Variants in HECW2 observed in about 807,000 individuals in gnomAD.
The protein encoded by HECW2 is E3 ubiquitin-protein ligase HECW2.
HECW2 carries 61 observed loss-of-function variants against 175.2 expected under a neutral mutation model. The ratio of observed to expected loss-of-function variants is 0.35; its 90% CI spans 0.28 to 0.43. The LOEUF is 0.43. Among genes scored for constraint, HECW2 ranks in the 20% least tolerant of loss-of-function variants. The probability of loss-of-function intolerance (pLI) is 1.00; values close to 1 mark genes in which losing one functional copy is unlikely to be tolerated. For missense variants in HECW2, 1,524 were observed against 2,000.5 expected (o/e 0.76, Z 4.54); for synonymous variants, 671 against 731.0 (o/e 0.92, Z 1.32).
rs771405901 is a variant in HECW2 at position 196,292,624 on chromosome 2, C to A, written c.2941G>T (p.Ala981Ser). The A allele has an allele frequency of 6.2e-7, 1 of 1,614,114 alleles. No individual in the cohort carries two copies. Among genetic ancestry groups the A allele is most frequent in the African/African-American group, 1.3e-5 (1 of 75,034 alleles). Residue 981 changes from alanine (A) to serine (S), a missense_variant, in exon 14 of 29, where the codon GCG (alanine) becomes TCG (serine). By Grantham distance (99) the Ala-to-Ser change is moderately conservative. Transcript: ENST00000644978. ...RDLVGFLNMF[A>S]NKQLELPRGW... The stretch of plus-strand genomic sequence containing the variant: ...CGCGGCAGCTCTAGCTGTTTGTTCG[C>A]GAACATGTTGAGGAATCCCACAAGG...
chr2:196,539,874 T>C (rs1022041334), intron 1 of HECW2, among the ~76,000 whole-genome samples: 3 of 152,220 alleles, frequency 2.0e-5, no homozygotes, highest in African/African-American at 7.2e-5. Context: ...TGCAAGGATA[T>C]GTGGTACATG....
chr2:196,239,633 A>T (rs1688376259), intron 21 of HECW2: 1 of 150,762 alleles, frequency 6.6e-6, no homozygotes, highest in Non-Finnish European at 1.5e-5. Context: ...ACACAATCAG[A>T]CAATTGTATG....
At chr2:196,317,181 A>G (rs1691729829) in intron 10 of HECW2, 93 bp downstream of exon 10, 2 of 964,280 alleles carry the variant, frequency 2.1e-6, no homozygotes, top group East Asian at 5.3e-5. Context: ...CTTGAAGACC[A>G]TGTATCCATC....
At chr2:196,225,629 G>C (rs1363228293) in intron 23 of HECW2, 143 bp downstream of exon 23, 11 of 553,754 alleles carry the variant, frequency 2.0e-5, no homozygotes, top group Non-Finnish European at 3.3e-5. Context: ...ATTAGTTTCA[G>C]AAATCTAAAC....
intron 13 of HECW2, among the ~76,000 whole-genome samples, chr2:196,300,478 G>A (rs1691003221): frequency 6.6e-6 from 1 of 152,096 alleles, no homozygotes. Flanking sequence ...TATTGACAAA[G>A]GAATATGAAA....
chr2:196,393,940 T>C (rs966190741), intron 2 of HECW2, among the ~76,000 whole-genome samples: 1 of 152,180 alleles, frequency 6.6e-6, no homozygotes, highest in Non-Finnish European at 1.5e-5. Flanking sequence ...TAAGAAAATG[T>C]GGCACCTATA....
intron 14 of HECW2, among the ~76,000 whole-genome samples, chr2:196,286,452 A>G (rs1325338824): frequency 2.0e-5 from 3 of 148,964 alleles, no homozygotes; most frequent in African/African-American, 7.4e-5. Flanking sequence ...AAAGGCAAAG[A>G]CCATCTCTGT....
At chr2:196,316,193 G>A (rs995777516) in intron 10 of HECW2, 1 of 152,112 alleles carries the variant, frequency 6.6e-6, no homozygotes, top group African/African-American at 2.4e-5. Context: ...ATGAGTCACG[G>A]CCCTTAGTTA....
At chr2:196,313,609 AACTTAGT>A (rs1196773489) in intron 10 of HECW2, among the ~76,000 whole-genome samples, 1 of 152,222 alleles carries the variant, frequency 6.6e-6, no homozygotes, top group Non-Finnish European at 1.5e-5. Flanking sequence ...CCACTGATCA[AACTTAGT>A]ACTAAGTCCA....
At chr2:196,270,242 T>C (rs1204375430) in intron 17 of HECW2, among the ~76,000 whole-genome samples, 1 of 151,790 alleles carries the variant, frequency 6.6e-6, no homozygotes, top group African/African-American at 2.4e-5. Context: ...AAAGTGAGAG[T>C]CCACAGTGGA....
chr2:196,418,318 C>T (rs1559098947), intron 2 of HECW2, among the ~76,000 whole-genome samples: 3 of 151,950 alleles, frequency 2.0e-5, no homozygotes, highest in Admixed American at 1.3e-4. Flanking sequence ...TTAGAAGAGA[C>T]GGGGTTTCAC....
chr2:196,367,472 T>A (rs1693775728), intron 2 of HECW2, among the ~76,000 whole-genome samples: 1 of 152,228 alleles, frequency 6.6e-6, no homozygotes, highest in Non-Finnish European at 1.5e-5. Context: ...CAAGCATTTA[T>A]CCTTTCTTTG....
chr2:196,329,509 G>A (rs1327412694), intron 5 of HECW2, 66 bp downstream of exon 5: 1 of 1,296,582 alleles, frequency 7.7e-7, no homozygotes, highest in Non-Finnish European at 1.1e-6. Flanking sequence ...GCAGAAAGAA[G>A]TGACTATTCA....
chr2:196,407,209 C>CTTTT (rs142961175), intron 2 of HECW2, among the ~76,000 whole-genome samples: 2 of 143,466 alleles, frequency 1.4e-5, no homozygotes, highest in African/African-American at 5.1e-5. Flanking sequence ...ACTTTCAAAA[C>CTTTT]TTTTTTTTTT....
chr2:196,278,650 C>T lies in HECW2; in HGVS notation c.3013G>A (p.Asp1005Asn), dbSNP rs752194352. Residue 1005 changes from aspartate to asparagine, a missense_variant, in exon 15 of 29, where the codon GAC (aspartate) becomes AAC (asparagine). Physicochemically the swap from Asp to Asn is conservative, Grantham distance 23. Around this residue, in one of 11 missense-constraint regions of HECW2, gnomAD observed 291 missense variants for 412.2 expected, o/e 0.71. Transcript: ENST00000644978. ...HDHQGKAFFV[D>N]HNSRTTTFID... ...AAAGTGGTGGTGCGGGAGTTGTGGT[C>T]CACAAAGAATGCCTAGGATACAATA... is the stretch of plus-strand genomic sequence containing the variant. 1.2e-6 allele frequency: 2 copies of T among 1,613,954 alleles called. No individual in the cohort carries two copies. Among genetic ancestry groups the T allele is most frequent in the Non-Finnish European group, 8.5e-7 (1 of 1,179,946 alleles).
At chr2:196,558,205 C>T (rs993362362) in intron 1 of HECW2, among the ~76,000 whole-genome samples, 1 of 152,098 alleles carries the variant, frequency 6.6e-6, no homozygotes, top group Admixed American at 6.5e-5. Flanking sequence ...TAAAAAATAA[C>T]CAAGGCACTA....
chr2:196,344,003 A>G (rs1298892245), intron 2 of HECW2, among the ~76,000 whole-genome samples: 1 of 152,218 alleles, frequency 6.6e-6, no homozygotes, highest in Non-Finnish European at 1.5e-5. Context: ...AAGGTGGTCA[A>G]TGTTGCCAAA....
intron 1 of HECW2, among the ~76,000 whole-genome samples, chr2:196,469,122 T>TGTGC (rs1553520737): frequency 3.8e-5 from 3 of 79,344 alleles, no homozygotes; most frequent in African/African-American, 1.9e-4. Context: ...TGTGTGTGCG[T>TGTGC]GTGTGTGTGT....
At chr2:196,322,434 A>G in intron 7 of HECW2, 44 bp downstream of exon 7, 1 of 1,554,944 alleles carries the variant, frequency 6.4e-7, no homozygotes, top group South Asian at 1.2e-5. Context: ...TTTTTCCTAT[A>G]TGAACTAATC....
Sources: allele counts gnomAD v4.1 joint callset (sites outside exome capture counted in the v4.1 genomes callset), GRCh38; gene constraint gnomAD v4.1.1; regional missense constraint gnomAD v4.1.1; transcripts MANE v1.5; gene names NCBI Gene and HGNC (gene_info 2026-07-23, HGNC 2026-07-21).